Variants in CDK15 observed in about 807,000 individuals in gnomAD.
CDK15 encodes cyclin-dependent kinase 15.
Under a neutral mutation model 60.3 loss-of-function variants are expected in CDK15, and 62 were observed. That is an observed-to-expected ratio of 1.03 (90% CI 0.84 to 1.27). CDK15 has a LOEUF of 1.27. Among genes scored for constraint, CDK15 ranks in the 50% most tolerant of loss-of-function variants. CDK15 has a pLI of 0.00. For synonymous variants in CDK15, 194 were observed against 195.7 expected (o/e 0.99, Z 0.07); for missense variants, 541 against 527.8 (o/e 1.03, Z -0.25).
intron 6 of CDK15, among the ~76,000 whole-genome samples, chr2:201,829,626 G>C (rs1312081254): frequency 6.6e-6 from 1 of 152,106 alleles, no homozygotes; most frequent in African/African-American, 2.4e-5. Flanking sequence ...AAGGCAATCT[G>C]AGTTGGAGAT....
intron 10 of CDK15, among the ~76,000 whole-genome samples, chr2:201,859,074 C>T (rs763601137): frequency 1.4e-4 from 21 of 152,128 alleles, no homozygotes; most frequent in Non-Finnish European, 2.9e-4. Flanking sequence ...AGCTGGCGGG[C>T]CGGGGCTGCG....
intron 4 of CDK15, among the ~76,000 whole-genome samples, chr2:201,818,114 T>G (rs949301465): frequency 2.0e-5 from 3 of 152,194 alleles, no homozygotes; most frequent in African/African-American, 7.2e-5. Context: ...TTGGCCTGGC[T>G]TTCATTAATT....
In CDK15 at chr2:201,847,484, T is replaced by C; in HGVS notation, c.945+10T>C. On this transcript the variant is annotated intron_variant, in intron 9 of 13. Coordinates refer to ENST00000652192, the MANE Select transcript of CDK15 (RefSeq NM_001366386.2). The stretch of plus-strand genomic sequence containing the variant: ...GGAGAAAATCTGGGAGGTAGGAGAA[T>C]AATTCTTCTAAAGAAAATGAAATAT... The C allele has an allele frequency of 6.2e-7, 1 of 1,608,868 alleles. No individual in the cohort carries two copies. Among genetic ancestry groups the C allele is most frequent in the South Asian group, 1.1e-5 (1 of 90,368 alleles).
chr2:201,865,845 G>A (rs1006492036), intron 10 of CDK15, among the ~76,000 whole-genome samples: 2 of 136,360 alleles, frequency 1.5e-5, no homozygotes, highest in African/African-American at 5.7e-5. Flanking sequence ...AGCCAAGATC[G>A]TGCCACTGCA....
chr2:201,811,971 G>C (rs1442610685), intron 3 of CDK15, among the ~76,000 whole-genome samples: 4 of 151,932 alleles, frequency 2.6e-5, no homozygotes, highest in African/African-American at 7.3e-5. Flanking sequence ...TCAGGAGTTC[G>C]AGACCAGCCT....
At chr2:201,861,565 C>CTTTTTTTTTTTTTTTTTTTTTTT in intron 10 of CDK15, 1 of 504,542 alleles carries the variant, frequency 2.0e-6, no homozygotes. Context: ...TTTTTTTTTT[C>CTTTTTTTTTTTTTTTTTTTTTTT]TTTTTTTTTT....
chr2:201,845,271 G>A (rs1422200473), intron 8 of CDK15, among the ~76,000 whole-genome samples: 1 of 152,182 alleles, frequency 6.6e-6, no homozygotes. Flanking sequence ...AAGCCAGTCA[G>A]TTAAGCTAAA....
At chr2:201,833,682 C>G (rs1310023141) in intron 6 of CDK15, among the ~76,000 whole-genome samples, 166 bp from the exon 7 acceptor site, 1 of 147,796 alleles carries the variant, frequency 6.8e-6, no homozygotes, top group Admixed American at 6.8e-5. Context: ...CTTTTTCTTC[C>G]CCCTCTGAAT....
intron 4 of CDK15, among the ~76,000 whole-genome samples, chr2:201,822,431 T>A (rs1559118200): frequency 6.6e-6 from 1 of 152,206 alleles, no homozygotes; most frequent in Non-Finnish European, 1.5e-5. Context: ...GGCAGAACAC[T>A]CCATTTCCTG....
At chr2:201,854,998 C>A in intron 10 of CDK15, 61 bp downstream of exon 10, 1 of 1,490,522 alleles carries the variant, frequency 6.7e-7, no homozygotes, top group South Asian at 1.1e-5. Flanking sequence ...GAGCATTGGC[C>A]ACGCTAACAG....
chr2:201,884,398 T>C (rs1440597017), intron 12 of CDK15, among the ~76,000 whole-genome samples: 1 of 152,244 alleles, frequency 6.6e-6, no homozygotes, highest in Non-Finnish European at 1.5e-5. Context: ...AGTATACTTA[T>C]ATACACATAG....
chr2:201,884,408 G>A (rs1406951113), intron 12 of CDK15, among the ~76,000 whole-genome samples: 3 of 152,196 alleles, frequency 2.0e-5, no homozygotes, highest in Non-Finnish European at 4.4e-5. Flanking sequence ...TATACACATA[G>A]GGATGGAAGA....
intron 3 of CDK15, among the ~76,000 whole-genome samples, chr2:201,809,189 C>T (rs1695644568): frequency 6.6e-6 from 1 of 152,166 alleles, no homozygotes; most frequent in South Asian, 2.1e-4. Context: ...TTCAAGGTGG[C>T]TCGGAACGGG....
rs911219683 is a variant in CDK15 at position 201,882,864 on chromosome 2, T to C, written c.1198+2697T>C. Reference sequence around the variant, plus strand: ...AGTGGCTCTCACCACCAGCACATTATCTACTAAGAGATGCGGTCCTTGGCC... The same window carrying C: ...AGTGGCTCTCACCACCAGCACATTACCTACTAAGAGATGCGGTCCTTGGCC... On this transcript the variant is annotated intron_variant, in intron 12 of 13. Coordinates refer to ENST00000652192, the MANE Select transcript of CDK15 (RefSeq NM_001366386.2). The surrounding 1 kb of genome is among the most constrained non-coding windows in gnomAD (Gnocchi z 4.0). Among the ~76,000 whole-genome samples the C allele has an allele frequency of 6.6e-6, 1 of 152,340 alleles. No homozygotes were observed.
rs532076544 is a variant in CDK15 at position 201,858,945 on chromosome 2, G to A, written c.1009+4008G>A. On this transcript the variant is annotated intron_variant, in intron 10 of 13. Coordinates refer to ENST00000652192, the MANE Select transcript of CDK15 (RefSeq NM_001366386.2). The stretch of plus-strand genomic sequence containing the variant: ...GCCGCCAGAACACTCACCCTCCTCC[G>A]GCAGCACACCCCCTTTTCACATGCT... 7.2e-5 allele frequency among the ~76,000 whole-genome samples: 11 copies of A among 152,190 alleles called. No individual in the cohort carries two copies. In the East Asian group the frequency reaches 7.7e-4, roughly 11 times the overall value.
chr2:201,876,516 G>A (rs929999485), intron 11 of CDK15: 3 of 1,197,640 alleles, frequency 2.5e-6, no homozygotes, highest in African/African-American at 1.6e-5. Flanking sequence ...CACACACTTG[G>A]CTCCTAGGAG....
At chr2:201,863,776 A>C (rs998736308) in intron 10 of CDK15, among the ~76,000 whole-genome samples, 4 of 152,264 alleles carry the variant, frequency 2.6e-5, no homozygotes, top group South Asian at 4.1e-4. Context: ...GGCACCTGTA[A>C]TCCCAGCTAC....
chr2:201,881,052 C>T (rs770968566), intron 12 of CDK15, among the ~76,000 whole-genome samples: 4 of 151,820 alleles, frequency 2.6e-5, no homozygotes, highest in South Asian at 4.2e-4. Flanking sequence ...GCTGGAACTG[C>T]GATGAGGACA....
chr2:201,874,293 T>C (rs1351332422), intron 11 of CDK15, among the ~76,000 whole-genome samples: 1 of 152,202 alleles, frequency 6.6e-6, no homozygotes, highest in Non-Finnish European at 1.5e-5. Context: ...TCCATCATCA[T>C]GGAAAATTCC....
Sources: gnomAD v4.1 joint callset for allele counts (sites outside exome capture counted in the v4.1 genomes callset) on GRCh38, gnomAD v4.1.1 for gene constraint, Gnocchi (gnomAD v3.1) non-coding constraint, MANE v1.5 for transcripts, NCBI Gene and HGNC (gene_info 2026-07-23, HGNC 2026-07-21) for gene names.